The following TMEM132C variants were observed in gnomAD, a reference collection of about 807,000 sequenced individuals.
TMEM132C encodes protein phosphatase 1, regulatory subunit 152.
Under a neutral mutation model 61.4 loss-of-function variants are expected in TMEM132C, and 29 were observed. The observed-to-expected ratio is 0.47, with a 90% CI of 0.35 to 0.64. The LOEUF (loss-of-function observed/expected upper bound fraction) is 0.64, where lower values mean the gene tolerates loss of function less well. Ranked by LOEUF, TMEM132C falls within the 30% of genes least tolerant of loss-of-function variation. The probability of loss-of-function intolerance (pLI) is 0.00; values close to 1 mark genes in which losing one functional copy is unlikely to be tolerated. For synonymous variants in TMEM132C, 656 were observed against 633.1 expected, an observed-to-expected ratio of 1.04 and a Z score of -0.54; for missense variants, 1,408 against 1,476.9, an observed-to-expected ratio of 0.95 and a Z score of 0.76.
At chr12:128,593,418 C>T (rs1875830045) in intron 3 of TMEM132C, among the ~76,000 whole-genome samples, 1 of 152,160 alleles carries the variant, frequency 6.6e-6, no homozygotes, top group Admixed American at 6.5e-5. Context: ...TGGTCCTTTC[C>T]ACTCTCCAGG....
intron 4 of TMEM132C, among the ~76,000 whole-genome samples, chr12:128,628,876 G>A (rs895405589): frequency 1.3e-5 from 2 of 152,226 alleles, no homozygotes; most frequent in African/African-American, 4.8e-5. Flanking sequence ...TTTGGTATAT[G>A]ATTATGGTGC....
At chr12:128,386,884 C>G (rs992010435) in intron 1 of TMEM132C, among the ~76,000 whole-genome samples, 11 of 152,026 alleles carry the variant, frequency 7.2e-5, no homozygotes, top group African/African-American at 2.4e-4. Flanking sequence ...ATCCCAGTAC[C>G]TTGGGAGGCT....
chr12:128,373,750 A>G (rs541833699), intron 1 of TMEM132C, among the ~76,000 whole-genome samples: 13 of 152,360 alleles, frequency 8.5e-5, no homozygotes, highest in African/African-American at 2.9e-4. Flanking sequence ...CTCAGCAGAT[A>G]GAGGCATGAG....
At position 128,547,405 on chromosome 12, in the gene TMEM132C, A is replaced by C. The variant is rs989407473; in HGVS notation, c.1121+3302A>C. On this transcript the variant is annotated intron_variant, in intron 3 of 8. Coordinates refer to ENST00000435159, the MANE Select transcript of TMEM132C (RefSeq NM_001136103.3). ...CCCATCTCTACTAAAAATACAAAAA[A>C]AAAAAAAAATTAGCCGGGCGTGGTG... is the stretch of plus-strand genomic sequence containing the variant. Among the ~76,000 whole-genome samples the C allele has an allele frequency of 5.2e-4, 78 of 151,220 alleles. 1 individual carries two copies. Among genetic ancestry groups the C allele is most frequent in the African/African-American group, 1.8e-3 (75 of 41,290 alleles).
At chr12:128,594,110 G>A (rs918354141) in intron 3 of TMEM132C, among the ~76,000 whole-genome samples, 1 of 126,246 alleles carries the variant, frequency 7.9e-6, no homozygotes, top group Non-Finnish European at 1.6e-5. Context: ...CACCTCCACC[G>A]CAGGCGTCCC....
intron 4 of TMEM132C, among the ~76,000 whole-genome samples, chr12:128,633,419 A>T (rs1844324): frequency 1.1e-4 from 16 of 152,156 alleles, no homozygotes; most frequent in African/African-American, 3.6e-4. Flanking sequence ...TTTTTTGCTC[A>T]CAGTCCCTCA....
intron 2 of TMEM132C, among the ~76,000 whole-genome samples, chr12:128,470,044 T>C (rs993435808): frequency 1.3e-5 from 2 of 152,230 alleles, no homozygotes; most frequent in African/African-American, 4.8e-5. Flanking sequence ...AAAGACTTCA[T>C]GACACCCACT....
At chr12:128,504,943 GAAAAC>G (rs1872307646) in intron 2 of TMEM132C, among the ~76,000 whole-genome samples, 1 of 121,160 alleles carries the variant, frequency 8.3e-6, no homozygotes, top group African/African-American at 2.6e-5. Flanking sequence ...AAAAAGAAAA[GAAAAC>G]AATACACAAT....
rs1015991329 is a variant in TMEM132C at position 128,484,722 on chromosome 12, C to T, written c.975-59235C>T. On this transcript the variant is annotated intron_variant, in intron 2 of 8. Transcript: ENST00000435159. ...CTGTAATCTCAGCACTTTGGGAGGCCAAGGCGGGAAGATTGCTTGAGCCCA... is the reference window on the plus strand; with the variant it reads ...CTGTAATCTCAGCACTTTGGGAGGCTAAGGCGGGAAGATTGCTTGAGCCCA... Among the ~76,000 whole-genome samples, 122 of 152,096 alleles carry T rather than the reference C, an allele frequency of 8.0e-4. 4 individuals carry two copies. Among genetic ancestry groups the T allele is most frequent in the Non-Finnish European group, 2.5e-4 (17 of 68,010 alleles).
chr12:128,381,998 C>T (rs1187283012), intron 1 of TMEM132C, among the ~76,000 whole-genome samples: 2 of 151,962 alleles, frequency 1.3e-5, no homozygotes, highest in African/African-American at 4.8e-5. Context: ...CCCTTCGCAA[C>T]ACTCCTCCCC....
At chr12:128,513,046 G>A (rs945093085) in intron 2 of TMEM132C, among the ~76,000 whole-genome samples, 7 of 152,198 alleles carry the variant, frequency 4.6e-5, no homozygotes, top group Admixed American at 3.3e-4. Flanking sequence ...GATATGCCGG[G>A]AGGGAGAGGT....
chr12:128,421,566 G>T (rs748144461), intron 2 of TMEM132C, among the ~76,000 whole-genome samples: 3 of 151,404 alleles, frequency 2.0e-5, no homozygotes, highest in African/African-American at 7.3e-5. Flanking sequence ...GAAACTTGGC[G>T]TGAACCTTCT....
intron 1 of TMEM132C, among the ~76,000 whole-genome samples, chr12:128,269,113 A>G (rs937574855): frequency 6.6e-6 from 1 of 152,086 alleles, no homozygotes. Flanking sequence ...GTTTTCCTAG[A>G]TGCAAAGTGG....
chr12:128,328,612 C>A (rs1872590828), intron 1 of TMEM132C, among the ~76,000 whole-genome samples: 1 of 151,938 alleles, frequency 6.6e-6, no homozygotes, highest in South Asian at 2.1e-4. Context: ...CATGGTGAAA[C>A]CCTGTCTCTA....
rs61721549 is a variant in TMEM132C, at chr12:128,665,845, GCACA to G, written c.1306-3561_1306-3558del. 4.5e-4 allele frequency among the ~76,000 whole-genome samples: 42 copies of G among 92,562 alleles called. 1 individual carries two copies. The highest frequency in any genetic ancestry group is 4.9e-4 in the Non-Finnish European group (23 of 46,644). The allele number at this position is 92,562 out of a possible 152,430, so 60.7% of individuals were successfully genotyped here. On this transcript the variant is annotated intron_variant, in intron 4 of 8. Transcript: ENST00000435159. Reference sequence around the variant, plus strand: ...TTCACAGGCACTCACACAAACACAGGCACACACACACACATACACACAGGCACAC... The same window carrying G: ...TTCACAGGCACTCACACAAACACAGGCACACACACATACACACAGGCACAC...
intron 5 of TMEM132C, among the ~76,000 whole-genome samples, chr12:128,691,919 G>C (rs113821161): frequency 6.7e-6 from 1 of 149,930 alleles, no homozygotes; most frequent in African/African-American, 2.5e-5. Context: ...CCACCCATCA[G>C]TTCATCTATC....
chr12:128,458,228 GGAGT>G (rs1483662642), intron 2 of TMEM132C, among the ~76,000 whole-genome samples: 27 of 145,522 alleles, frequency 1.9e-4, no homozygotes, highest in South Asian at 4.4e-4. Flanking sequence ...AATATATCAT[GGAGT>G]GAGTATTATA....
intron 2 of TMEM132C, among the ~76,000 whole-genome samples, chr12:128,542,859 C>CAAAAAAAAAAAAAAAAAAAAAAAAAAA (rs59362697): frequency 1.2e-5 from 1 of 81,590 alleles, no homozygotes; most frequent in Non-Finnish European, 2.3e-5. Flanking sequence ...TACTTCGATG[C>CAAAAAAAAAAAAAAAAAAAAAAAAAAA]AAAAAAAAAA....
intron 1 of TMEM132C, among the ~76,000 whole-genome samples, chr12:128,372,778 A>G (rs1874067258): frequency 6.6e-6 from 1 of 152,156 alleles, no homozygotes; most frequent in South Asian, 2.1e-4. Flanking sequence ...AACCCCCGAG[A>G]TTGATGACAG....
Sources: allele counts gnomAD v4.1 joint callset (sites outside exome capture counted in the v4.1 genomes callset), GRCh38; gene constraint gnomAD v4.1.1; transcripts MANE v1.5; gene names NCBI Gene and HGNC (gene_info 2026-07-23, HGNC 2026-07-21).